Variants in EDARADD observed in about 807,000 individuals in gnomAD.
The protein encoded by EDARADD is ectodysplasin-A receptor-associated adapter protein.
EDARADD carries 20 observed loss-of-function variants against 25.6 expected under a neutral mutation model. The observed-to-expected ratio is 0.78, with a 90% CI of 0.55 to 1.14. EDARADD has a LOEUF of 1.14. Among genes scored for constraint, EDARADD ranks in the 50% most tolerant of loss-of-function variants. EDARADD has a pLI of 0.00. For synonymous variants in EDARADD, 86 were observed against 94.4 expected (o/e 0.91, Z 0.52); for missense variants, 225 against 270.1 (o/e 0.83, Z 1.17).
chr1:236,483,160 T>G lies in EDARADD; in HGVS notation c.*511T>G. On this transcript the variant is annotated 3_prime_UTR_variant, in exon 6 of 6. Coordinates refer to ENST00000334232, the MANE Select transcript of EDARADD (RefSeq NM_145861.4). ...GCAATGAGACCCAGTGGCTAGAAAT[T>G]CACCATGTCTATTCTCAAGATCCAT... 1.3e-6 allele frequency: 2 copies of G among 1,542,404 alleles called. No homozygotes were observed. The highest frequency in any genetic ancestry group is 1.8e-6 in the Non-Finnish European group (2 of 1,117,924).
intron 5 of EDARADD, among the ~76,000 whole-genome samples, chr1:236,473,908 A>G (rs1218353581): frequency 6.6e-6 from 1 of 152,158 alleles, no homozygotes; most frequent in African/African-American, 2.4e-5. Context: ...AGCTGGGACT[A>G]TAGGCGTGCA....
chr1:236,461,353 C>A (rs151333972), intron 4 of EDARADD, among the ~76,000 whole-genome samples: 183 of 152,262 alleles, frequency 1.2e-3, no homozygotes, highest in African/African-American at 4.2e-3. Context: ...GGTCTAGTTT[C>A]ATTCTTTTGC....
chr1:236,395,328 C>A lies in EDARADD; in HGVS notation c.61+823C>A. On this transcript the variant is annotated intron_variant, in intron 1 of 5. Transcript: ENST00000334232. This position sits in a 1 kb window ranked among gnomAD's most constrained non-coding sequence, Gnocchi z 6.9. ...CCGGGACACTCGGGGCCCCGCCTTG[C>A]GTCCCAGCCCCGGGTCGCGGCACCC... The A allele has an allele frequency of 2.3e-6, 3 of 1,290,594 alleles. No homozygotes were observed. Among genetic ancestry groups the A allele is most frequent in the Non-Finnish European group, 3.0e-6 (3 of 1,014,390 alleles). The allele number at this position is 1,290,594 out of a possible 1,614,324, so 79.9% of individuals were successfully genotyped here.
In EDARADD at chr1:236,453,741, C is replaced by A. The variant is rs115415524; in HGVS notation, c.220-14490C>A. ...AGCCTAGGTGTGTGGTGGGCTACACCATCCAGGTTTGTGTAAGGGCACTCT... is the reference window on the plus strand; with the variant it reads ...AGCCTAGGTGTGTGGTGGGCTACACAATCCAGGTTTGTGTAAGGGCACTCT... On this transcript the variant is annotated intron_variant, in intron 4 of 5. Coordinates refer to ENST00000334232, the MANE Select transcript of EDARADD (RefSeq NM_145861.4). Among the ~76,000 whole-genome samples, 678 of 152,280 alleles carry A rather than the reference C, an allele frequency of 4.5e-3. 8 individuals are homozygous for A. The highest frequency in any genetic ancestry group is 0.016 in the African/African-American group (646 of 41,556).
At position 236,429,005 on chromosome 1, in the gene EDARADD, G is replaced by A. The variant is rs116289111; in HGVS notation, c.219+1555G>A. Among the ~76,000 whole-genome samples, 447 of 152,222 alleles carry A rather than the reference G, an allele frequency of 2.9e-3. 3 individuals are homozygous for A. The highest frequency in any genetic ancestry group is 0.01 in the African/African-American group (431 of 41,560). ...ACGAAAACCAGTCAGGCGTTGCGACGCGCGCCTGCAATCCCAGGCACTCGG... is the reference window on the plus strand; with the variant it reads ...ACGAAAACCAGTCAGGCGTTGCGACACGCGCCTGCAATCCCAGGCACTCGG... On this transcript the variant is annotated intron_variant, in intron 4 of 5. Transcript: ENST00000334232.
chr1:236,438,295 C>A (rs1658314205), intron 4 of EDARADD, among the ~76,000 whole-genome samples: 1 of 152,192 alleles, frequency 6.6e-6, no homozygotes, highest in East Asian at 1.9e-4. Context: ...TGTGTGGAGA[C>A]ACAGGTCAAT....
intron 2 of EDARADD, 144 bp downstream of exon 2, chr1:236,409,418 G>T: frequency 1.6e-6 from 1 of 631,438 alleles, no homozygotes; most frequent in Non-Finnish European, 2.8e-6. Context: ...GCTTTATCTT[G>T]GTATTCTACG....
At chr1:236,411,891 G>A (rs1311720887) in intron 2 of EDARADD, among the ~76,000 whole-genome samples, 2 of 152,090 alleles carry the variant, frequency 1.3e-5, no homozygotes, top group Non-Finnish European at 2.9e-5. Flanking sequence ...ATTGGGTCAA[G>A]GGCCTACCCT....
chr1:236,483,439 A>G lies in EDARADD; in HGVS notation c.*790A>G, dbSNP rs1659739144. On this transcript the variant is annotated 3_prime_UTR_variant, in exon 6 of 6. Coordinates refer to ENST00000334232, the MANE Select transcript of EDARADD (RefSeq NM_145861.4). The stretch of plus-strand genomic sequence containing the variant: ...GTCACAGAACAAGAGAAGATTGACA[A>G]ACTTATGATAGAGATGGATGGAACA... The G allele has an allele frequency of 2.8e-6, 3 of 1,089,884 alleles. No individual in the cohort carries two copies. The South Asian group carries it at 3.7e-5, about 14-fold the overall frequency. The allele number at this position is 1,089,884 out of a possible 1,614,324, so 67.5% of individuals were successfully genotyped here.
chr1:236,464,764 G>A (rs1456691647), intron 4 of EDARADD, among the ~76,000 whole-genome samples: 1 of 151,986 alleles, frequency 6.6e-6, no homozygotes, highest in Non-Finnish European at 1.5e-5. Context: ...TGCTCCCCCT[G>A]CTTTTCTTCC....
rs528381341 is a variant in EDARADD, at chr1:236,369,668, G to A, written c.-6+18829G>A. Among the ~76,000 whole-genome samples, 13 of 151,996 alleles carry A rather than the reference G, an allele frequency of 8.6e-5. No individual in the cohort carries two copies. In the East Asian group the frequency reaches 1.2e-3, roughly 14 times the overall value. On this transcript the variant is annotated intron_variant, in intron 3 of 7. Transcript: ENST00000439430. ...ACCAGCCTCAACATGGAGAGACCCC[G>A]TCTCTACTAAAAATACAAAATTAGC...
intron 4 of EDARADD, among the ~76,000 whole-genome samples, chr1:236,467,015 G>A (rs1408825175): frequency 6.6e-6 from 1 of 151,880 alleles, no homozygotes; most frequent in African/African-American, 2.4e-5. Context: ...GCAGTGAGCC[G>A]AGATTGTGCC....
chr1:236,446,725 G>A (rs1215164597), intron 4 of EDARADD, among the ~76,000 whole-genome samples: 4 of 152,088 alleles, frequency 2.6e-5, no homozygotes, highest in South Asian at 2.1e-4. Context: ...TTAAAAACAC[G>A]TATATTTATG....
rs115398689 is a variant in EDARADD, at chr1:236,353,930, A to G, written c.-6+3091A>G. 6.2e-3 allele frequency among the ~76,000 whole-genome samples: 951 copies of G among 152,162 alleles called. 10 individuals are homozygous for G. Among genetic ancestry groups the G allele is most frequent in the African/African-American group, 0.021 (892 of 41,516 alleles). ...AGAAAAGACAGATTTGTATTCATGT[A>G]TCTATGGGAGTTCAGGGGAAAATGT... On this transcript the variant is annotated intron_variant, in intron 3 of 7. Coordinates refer to the EDARADD transcript ENST00000439430.
intron 4 of EDARADD, among the ~76,000 whole-genome samples, chr1:236,447,055 G>C (rs1247428909): frequency 6.6e-6 from 1 of 152,120 alleles, no homozygotes; most frequent in African/African-American, 2.4e-5. Flanking sequence ...TGGCACCAGA[G>C]CACCTATAGC....
At chr1:236,354,621 C>G (rs1666954161) in intron 3 of EDARADD, among the ~76,000 whole-genome samples, 1 of 152,202 alleles carries the variant, frequency 6.6e-6, no homozygotes, top group Admixed American at 6.5e-5. Context: ...TAGGAATTAT[C>G]AGGCAAATTG....
At chr1:236,371,771 C>T (rs1667175571) in intron 3 of EDARADD, among the ~76,000 whole-genome samples, 2 of 151,784 alleles carry the variant, frequency 1.3e-5, no homozygotes, top group South Asian at 4.2e-4. Flanking sequence ...GGGGTTTCTT[C>T]ATGTTGAGCA....
At chr1:236,468,342 G>T in intron 5 of EDARADD, 66 bp downstream of exon 5, 3 of 1,550,774 alleles carry the variant, frequency 1.9e-6, no homozygotes, top group Non-Finnish European at 2.7e-6. Context: ...GATAATTTGA[G>T]GCCAGGGTCG....
intron 1 of EDARADD, among the ~76,000 whole-genome samples, chr1:236,407,016 A>G (rs1380281649): frequency 6.6e-6 from 1 of 152,224 alleles, no homozygotes; most frequent in African/African-American, 2.4e-5. Flanking sequence ...TGTGTATTGC[A>G]CTGGACTGGC....
Sources: gnomAD v4.1 joint callset for allele counts (sites outside exome capture counted in the v4.1 genomes callset) on GRCh38, gnomAD v4.1.1 for gene constraint, Gnocchi (gnomAD v3.1) non-coding constraint, MANE v1.5 for transcripts, NCBI Gene and HGNC (gene_info 2026-07-23, HGNC 2026-07-21) for gene names.